The following SLIT3 variants were observed in gnomAD, a reference collection of about 807,000 sequenced individuals.
SLIT3 encodes slit homolog 3 protein.
Under a neutral mutation model 184.0 loss-of-function variants are expected in SLIT3, and 68 were observed. The ratio of observed to expected loss-of-function variants is 0.37; its 90% confidence interval spans 0.30 to 0.45. The LOEUF (loss-of-function observed/expected upper bound fraction) is 0.45. Ranked by LOEUF, SLIT3 falls within the 20% of genes least tolerant of loss-of-function variation. The probability of loss-of-function intolerance (pLI) is 1.00; values close to 1 mark genes in which losing one functional copy is unlikely to be tolerated. For synonymous variants in SLIT3, 831 were observed against 828.6 expected (o/e 1.00, Z -0.05); for missense variants, 1,707 against 2,026.0 (o/e 0.84, Z 3.02).
At chr5:169,123,035 A>G (rs1760940169) in intron 4 of SLIT3, among the ~76,000 whole-genome samples, 1 of 152,192 alleles carries the variant, frequency 6.6e-6, no homozygotes, top group African/African-American at 2.4e-5. Context: ...TGGGAAAAAT[A>G]CATATGAGGG....
At chr5:169,023,190 A>T (rs1335075267) in intron 4 of SLIT3, among the ~76,000 whole-genome samples, 1 of 152,166 alleles carries the variant, frequency 6.6e-6, no homozygotes, top group East Asian at 1.9e-4. Flanking sequence ...ATAACTAGGT[A>T]CAATGCCAAC....
chr5:168,833,453 G>A (rs1210490470), intron 6 of SLIT3, among the ~76,000 whole-genome samples: 3 of 152,216 alleles, frequency 2.0e-5, no homozygotes, highest in African/African-American at 4.8e-5. Flanking sequence ...ATCCCTGGCA[G>A]CCAGGGATCA....
At chr5:168,751,753 A>G (rs1373564447) in intron 18 of SLIT3, among the ~76,000 whole-genome samples, 2 of 148,732 alleles carry the variant, frequency 1.3e-5, no homozygotes, top group African/African-American at 5.1e-5. Flanking sequence ...TTTGAGACGA[A>G]GTCTCGCTCT....
intron 5 of SLIT3, 31 bp downstream of exon 5, chr5:168,883,234 T>C (rs777687824): frequency 1.3e-6 from 2 of 1,595,114 alleles, no homozygotes; most frequent in South Asian, 1.1e-5. Flanking sequence ...GTTAGCCACA[T>C]ACGTAGTGAA....
In SLIT3 at chr5:168,800,323, C is replaced by T. The variant is rs567609724; in HGVS notation, c.936-4745G>A. 5.3e-5 allele frequency among the ~76,000 whole-genome samples: 8 copies of T among 152,302 alleles called. No individual in the cohort carries two copies. In the East Asian group the frequency reaches 5.8e-4, roughly 11 times the overall value. ...ACTGTTGGCTGGGCGCAGTGGCTCA[C>T]GCCTGTAATCCCAGCACTTTGGGAG... On this transcript the variant is annotated intron_variant, in intron 9 of 35. Transcript: ENST00000519560.
At chr5:169,100,235 C>A (rs548167890) in intron 4 of SLIT3, among the ~76,000 whole-genome samples, 15 of 152,222 alleles carry the variant, frequency 9.9e-5, no homozygotes, top group Non-Finnish European at 1.9e-4. Context: ...TCCCCTTGGG[C>A]CCAAGAAAAC....
intron 4 of SLIT3, among the ~76,000 whole-genome samples, chr5:169,050,591 G>A (rs1249348788): frequency 1.3e-5 from 2 of 152,134 alleles, no homozygotes; most frequent in Admixed American, 1.3e-4. Context: ...CGTTGTGTCT[G>A]CCCTTATGAA....
At chr5:168,731,605 C>CT (rs1451978710) in intron 20 of SLIT3, among the ~76,000 whole-genome samples, 6 of 151,914 alleles carry the variant, frequency 3.9e-5, no homozygotes, top group Non-Finnish European at 7.4e-5. Flanking sequence ...AGATAATAGA[C>CT]CATGATCAGG....
chr5:169,127,227 G>A (rs1761115308), intron 4 of SLIT3, among the ~76,000 whole-genome samples: 1 of 152,156 alleles, frequency 6.6e-6, no homozygotes, highest in Non-Finnish European at 1.5e-5. Context: ...TAAAATCAAG[G>A]GCTTTACTCT....
chr5:168,681,933 G>A (rs1196112400), intron 32 of SLIT3, among the ~76,000 whole-genome samples: 2 of 152,194 alleles, frequency 1.3e-5, no homozygotes, highest in East Asian at 1.9e-4. Context: ...TCCTGCTATT[G>A]CTCACATTAC....
intron 4 of SLIT3, among the ~76,000 whole-genome samples, chr5:169,029,517 A>G (rs1282493034): frequency 6.6e-6 from 1 of 152,234 alleles, no homozygotes; most frequent in Non-Finnish European, 1.5e-5. Flanking sequence ...TTTGAGAACC[A>G]CTAAGTTAAT....
chr5:168,836,537 A>G (rs982783642), intron 6 of SLIT3, among the ~76,000 whole-genome samples: 3 of 152,060 alleles, frequency 2.0e-5, no homozygotes, highest in African/African-American at 7.2e-5. Context: ...AACTCTCTGG[A>G]ATCTTTCTCC....
intron 20 of SLIT3, among the ~76,000 whole-genome samples, chr5:168,733,291 A>T (rs1387249845): frequency 1.3e-5 from 2 of 152,092 alleles, no homozygotes; most frequent in Non-Finnish European, 2.9e-5. Context: ...AAAACAACAG[A>T]TTTTTGGTGA....
At chr5:168,933,834 A>T (rs1210553842) in intron 4 of SLIT3, among the ~76,000 whole-genome samples, 1 of 152,236 alleles carries the variant, frequency 6.6e-6, no homozygotes, top group South Asian at 2.1e-4. Context: ...TCTTCAGCAC[A>T]AGAGTGATGC....
intron 28 of SLIT3, among the ~76,000 whole-genome samples, chr5:168,693,015 G>C (rs571449875): frequency 6.6e-6 from 1 of 152,294 alleles, no homozygotes; most frequent in South Asian, 2.1e-4. Flanking sequence ...CAGGATGCCT[G>C]GCCCTCACTT....
chr5:168,985,230 C>T (rs1047474340), intron 4 of SLIT3, among the ~76,000 whole-genome samples: 1 of 152,176 alleles, frequency 6.6e-6, no homozygotes, highest in African/African-American at 2.4e-5. Flanking sequence ...ACTTTTTCCA[C>T]AACTAGCCCA....
intron 3 of SLIT3, among the ~76,000 whole-genome samples, chr5:169,194,627 C>T (rs192904443): frequency 1.3e-5 from 2 of 152,076 alleles, no homozygotes; most frequent in African/African-American, 4.8e-5. Context: ...TTTCATGGGC[C>T]CCTAACAGTA....
chr5:169,195,736 G>A (rs1763721081), intron 3 of SLIT3, among the ~76,000 whole-genome samples: 1 of 151,992 alleles, frequency 6.6e-6, no homozygotes, highest in South Asian at 2.1e-4. Context: ...ATGTTGGCCC[G>A]ACTGTTCTCA....
intron 4 of SLIT3, chr5:169,012,624 C>T (rs1756198444): frequency 6.6e-6 from 1 of 152,258 alleles, no homozygotes; most frequent in African/African-American, 2.4e-5. Flanking sequence ...CTCTTCTCAA[C>T]CCCCATCCCC....
Sources: gnomAD v4.1 joint callset for allele counts (sites outside exome capture counted in the v4.1 genomes callset) on GRCh38, gnomAD v4.1.1 for gene constraint, MANE v1.5 for transcripts, NCBI Gene and HGNC (gene_info 2026-07-23, HGNC 2026-07-21) for gene names.